Variants in NFE2L3 observed in about 807,000 individuals in gnomAD.
NFE2L3 encodes nuclear factor erythroid 2-related factor 3.
In NFE2L3, 18 loss-of-function variants were observed where a neutral mutation model predicts 23.5. That is an observed-to-expected ratio of 0.77 (90% confidence interval 0.53 to 1.13). The LOEUF (loss-of-function observed/expected upper bound fraction) is 1.13, where lower values mean the gene tolerates loss of function less well. Among genes scored for constraint, NFE2L3 ranks in the 50% most tolerant of loss-of-function variants. The pLI is 0.00. For synonymous variants in NFE2L3, 424 were observed against 354.5 expected (o/e 1.20, Z -2.20); for missense variants, 1,152 against 877.2 (o/e 1.31, Z -3.96).
intron 1 of NFE2L3, among the ~76,000 whole-genome samples, chr7:26,172,692 C>G (rs1229238772): frequency 6.6e-6 from 1 of 152,120 alleles, no homozygotes; most frequent in Non-Finnish European, 1.5e-5. Flanking sequence ...GATGTTTCCT[C>G]AATGATTAGA....
rs963750774 is a variant in NFE2L3 at position 26,181,175 on chromosome 7, C to T, written c.751-2526C>T. ...TATTTTCAGTAGAAGTGGGGTTTCACCATGTTGCTCAGGCTGGTCTCAAAT... is the reference window on the plus strand; with the variant it reads ...TATTTTCAGTAGAAGTGGGGTTTCATCATGTTGCTCAGGCTGGTCTCAAAT... On this transcript the variant is annotated intron_variant, in intron 2 of 3. Transcript: ENST00000056233. 9.9e-5 allele frequency among the ~76,000 whole-genome samples: 15 copies of T among 152,100 alleles called. 1 individual carries two copies. The highest frequency in any genetic ancestry group is 3.6e-4 in the African/African-American group (15 of 41,408).
chr7:26,181,352 T>A (rs1271339777), intron 2 of NFE2L3, among the ~76,000 whole-genome samples: 1 of 152,172 alleles, frequency 6.6e-6, no homozygotes, highest in Middle Eastern at 3.2e-3. Context: ...CTTTTAAAGC[T>A]TGTTGAAATA....
intron 2 of NFE2L3, among the ~76,000 whole-genome samples, chr7:26,183,384 CTAA>C (rs1782379882): frequency 6.6e-6 from 1 of 151,958 alleles, no homozygotes; most frequent in Non-Finnish European, 1.5e-5. Flanking sequence ...CCTGTCTCTA[CTAA>C]AAATACAAAA....
chr7:26,176,575 C>T (rs1784410982), intron 1 of NFE2L3, among the ~76,000 whole-genome samples: 1 of 115,724 alleles, frequency 8.6e-6, no homozygotes, highest in African/African-American at 3.4e-5. Flanking sequence ...CTCCTCACTT[C>T]CCAGACGGGG....
At chr7:26,159,235 C>T (rs1784134449) in intron 1 of NFE2L3, among the ~76,000 whole-genome samples, 1 of 152,180 alleles carries the variant, frequency 6.6e-6, no homozygotes, top group Non-Finnish European at 1.5e-5. Context: ...CATCCCTTTG[C>T]CCAACAACCC....
chr7:26,178,065 CAA>C lies in NFE2L3; in HGVS notation c.696_697del (p.Lys232AsnfsTer6). 1 of 1,613,880 alleles carries C rather than the reference CAA, an allele frequency of 6.2e-7. No homozygotes were observed. The highest frequency in any genetic ancestry group is 1.7e-5 in the Admixed American group (1 of 59,998). ...TTCAGCAGAATGATGATGATGAAAA[CAA>C]AATAGCAGAGAAACCTGACTGGGAG... ...SLQQNDDDEN[K>X]IAEKPDWEAE... On this transcript the variant is annotated frameshift_variant, in exon 2 of 4. Transcript: ENST00000056233. LOFTEE classifies it high-confidence loss of function.
intron 2 of NFE2L3, among the ~76,000 whole-genome samples, chr7:26,179,038 C>T (rs949604465): frequency 6.6e-6 from 1 of 152,142 alleles, no homozygotes; most frequent in African/African-American, 2.4e-5. Flanking sequence ...TGGAACATTA[C>T]TTATTTTGCA....
chr7:26,182,344 C>CCGGG (rs1352555659), intron 2 of NFE2L3, among the ~76,000 whole-genome samples: 2 of 152,024 alleles, frequency 1.3e-5, no homozygotes, highest in African/African-American at 4.8e-5. Context: ...TCCATGTAGG[C>CCGGG]CGGGCATGGT....
chr7:26,184,007 G>A (rs186206539), intron 3 of NFE2L3: 2 of 511,126 alleles, frequency 3.9e-6, no homozygotes, highest in East Asian at 3.2e-5. Context: ...ACAGCGTGGA[G>A]ATTTCTCAAA....
At chr7:26,177,466 G>A (rs1482644495) in intron 1 of NFE2L3, among the ~76,000 whole-genome samples, 2 of 152,148 alleles carry the variant, frequency 1.3e-5, no homozygotes, top group Admixed American at 6.5e-5. Flanking sequence ...GCATGGCGGC[G>A]CGTCCCTGCA....
intron 2 of NFE2L3, 115 bp from the exon 3 acceptor site, chr7:26,183,586 T>TAGCATAAAAATCCAGTGTGGA (rs1329071622): frequency 3.4e-5 from 23 of 681,878 alleles, no homozygotes; most frequent in Non-Finnish European, 5.8e-5. Flanking sequence ...AGGAACATAA[T>TAGCATAAAAATCCAGTGTGGA]AGCATAAAAA....
chr7:26,186,853 CTCACT>C lies in NFE2L3; in HGVS notation c.*1072_*1076del, dbSNP rs997272631. ...AAATAATAGCATTTGAAATGAAAAC[CTCACT>C]TAAGTTCACTAGAACAGTAAACAGG... is the stretch of plus-strand genomic sequence containing the variant. On this transcript the variant is annotated 3_prime_UTR_variant, in exon 4 of 4. Coordinates refer to ENST00000056233, the MANE Select transcript of NFE2L3 (RefSeq NM_004289.7). The C allele has an allele frequency of 8.5e-5, 13 of 152,184 alleles. No homozygotes were observed. The highest frequency in any genetic ancestry group is 3.1e-4 in the African/African-American group (13 of 41,518). 9.4% of individuals were successfully genotyped at this position (152,184 alleles called of 1,614,324 possible).
intron 1 of NFE2L3, among the ~76,000 whole-genome samples, chr7:26,160,466 A>C (rs1307437964): frequency 6.6e-6 from 1 of 152,224 alleles, no homozygotes; most frequent in African/African-American, 2.4e-5. Flanking sequence ...AATGAGTAGA[A>C]TATGAATAAA....
At chr7:26,156,717 G>C (rs1235676173) in intron 1 of NFE2L3, among the ~76,000 whole-genome samples, 1 of 152,228 alleles carries the variant, frequency 6.6e-6, no homozygotes, top group Non-Finnish European at 1.5e-5. Context: ...CTTTGAAACT[G>C]AGAGGGCTTG....
chr7:26,173,412 T>TTA (rs1784354731), intron 1 of NFE2L3: 1 of 152,224 alleles, frequency 6.6e-6, no homozygotes, highest in African/African-American at 2.4e-5. Context: ...GTGTGTTGTA[T>TTA]TAATGCACAT....
At position 26,185,242 on chromosome 7, in the gene NFE2L3, C is replaced by G. The variant is rs551161001; in HGVS notation, c.1544C>G (p.Pro515Arg). The change falls in exon 4 of 4, where the codon CCG becomes CGG. Residue 515 changes from proline to arginine, a missense_variant. Coordinates refer to ENST00000056233, the MANE Select transcript of NFE2L3 (RefSeq NM_004289.7). ...CCAGAATCTACTTCTGAACCTTTTC[C>G]GTGGCCTGGGAAGTCACAGAAGATA... ...TAPESTSEPF[P>R]WPGKSQKIRS... The G allele has an allele frequency of 3.1e-6, 5 of 1,613,900 alleles. No individual in the cohort carries two copies. Among genetic ancestry groups the G allele is most frequent in the Non-Finnish European group, 4.2e-6 (5 of 1,179,940 alleles).
At chr7:26,178,227 CTAT>C in intron 2 of NFE2L3, 105 bp downstream of exon 2, 1 of 882,326 alleles carries the variant, frequency 1.1e-6, no homozygotes, top group South Asian at 1.8e-5. Flanking sequence ...GTATGCTCTA[CTAT>C]TAACAAATAT....
chr7:26,154,761 G>A (rs1329167143), intron 1 of NFE2L3, among the ~76,000 whole-genome samples: 4 of 152,122 alleles, frequency 2.6e-5, no homozygotes, highest in Admixed American at 6.6e-5. Context: ...GGCTGGTCTC[G>A]AACTCCTTGG....
intron 1 of NFE2L3, among the ~76,000 whole-genome samples, chr7:26,153,398 G>A (rs1784029451): frequency 6.6e-6 from 1 of 152,198 alleles, no homozygotes; most frequent in Admixed American, 6.5e-5. Context: ...AGTACCTCAT[G>A]TACACTGGGG....
Sources: gnomAD v4.1 joint callset for allele counts (sites outside exome capture counted in the v4.1 genomes callset) on GRCh38, gnomAD v4.1.1 for gene constraint, MANE v1.5 for transcripts, NCBI Gene and HGNC (gene_info 2026-07-23, HGNC 2026-07-21) for gene names.